The following NTNG1 variants were observed in gnomAD, a reference collection of about 807,000 sequenced individuals.
NTNG1 encodes netrin-G1.
Under a neutral mutation model 54.0 loss-of-function variants are expected in NTNG1, and 16 were observed. The ratio of observed to expected loss-of-function variants is 0.30; its 90% CI spans 0.20 to 0.45. NTNG1 has a LOEUF of 0.45. Among genes scored for constraint, NTNG1 ranks in the 20% least tolerant of loss-of-function variants. The pLI, the probability that NTNG1 is intolerant of heterozygous loss-of-function variation, is 1.00. For synonymous variants in NTNG1, 255 were observed against 263.1 expected (o/e 0.97, Z 0.30); for missense variants, 530 against 678.7 (o/e 0.78, Z 2.43).
chr1:107,347,454 G>A (rs1004348338), intron 3 of NTNG1, among the ~76,000 whole-genome samples: 4 of 152,136 alleles, frequency 2.6e-5, no homozygotes, highest in Non-Finnish European at 5.9e-5. Context: ...GATTGAGGCC[G>A]CAGTGAGCCG....
At chr1:107,460,919 G>T (rs1417838892) in intron 7 of NTNG1, among the ~76,000 whole-genome samples, 1 of 152,134 alleles carries the variant, frequency 6.6e-6, no homozygotes, top group African/African-American at 2.4e-5. Context: ...AGCCCAGAAG[G>T]TCAGAAGAAT....
At position 107,205,736 on chromosome 1, in the gene NTNG1, C is replaced by T. The variant is rs182214993; in HGVS notation, c.246+56897C>T. Among the ~76,000 whole-genome samples the T allele has an allele frequency of 3.9e-5, 6 of 152,190 alleles. No homozygotes were observed. In the East Asian group the frequency reaches 1.2e-3, roughly 29 times the overall value. ...GAAAGTCACCAGTACAACTGGCACCCAGGTAAAGAATCAGAACATTACCAC... is the reference window on the plus strand; with the variant it reads ...GAAAGTCACCAGTACAACTGGCACCTAGGTAAAGAATCAGAACATTACCAC... On this transcript the variant is annotated intron_variant, in intron 2 of 7. Coordinates refer to ENST00000370068, the MANE Select transcript of NTNG1 (RefSeq NM_001113226.3).
intron 3 of NTNG1, among the ~76,000 whole-genome samples, chr1:107,372,115 A>T (rs181367580): frequency 1.5e-3 from 226 of 152,114 alleles, no homozygotes; most frequent in African/African-American, 5.1e-3. Flanking sequence ...TATCTTCTCT[A>T]AAAACTATCT....
intron 3 of NTNG1, among the ~76,000 whole-genome samples, chr1:107,350,992 C>A (rs1055448235): frequency 6.6e-6 from 1 of 152,166 alleles, no homozygotes; most frequent in Non-Finnish European, 1.5e-5. Flanking sequence ...TAAATGTTCT[C>A]CCCACACACA....
At chr1:107,184,437 G>A (rs4626915) in intron 2 of NTNG1, among the ~76,000 whole-genome samples, 3 of 151,998 alleles carry the variant, frequency 2.0e-5, no homozygotes, top group Non-Finnish European at 4.4e-5. Flanking sequence ...GTAAATGGCC[G>A]GTTGTTGCCA....
intron 3 of NTNG1, among the ~76,000 whole-genome samples, chr1:107,361,368 TATATAC>T (rs1487680499): frequency 6.8e-4 from 34 of 49,884 alleles, no homozygotes; most frequent in South Asian, 4.3e-3. Flanking sequence ...AACATATATA[TATATAC>T]ATATATATAT....
intron 7 of NTNG1, among the ~76,000 whole-genome samples, chr1:107,454,049 A>G (rs1676783027): frequency 6.6e-6 from 1 of 152,162 alleles, no homozygotes; most frequent in Non-Finnish European, 1.5e-5. Context: ...GGAGGGTAAT[A>G]GGAACTTGCA....
At chr1:107,207,423 C>T (rs928616496) in intron 2 of NTNG1, among the ~76,000 whole-genome samples, 3 of 152,204 alleles carry the variant, frequency 2.0e-5, no homozygotes, top group Non-Finnish European at 4.4e-5. Flanking sequence ...AATACTGTAG[C>T]TGTGAAGGTG....
chr1:107,208,441 A>AAAGAAAG (rs1553201434), intron 2 of NTNG1, among the ~76,000 whole-genome samples: 5 of 149,874 alleles, frequency 3.3e-5, no homozygotes, highest in African/African-American at 9.9e-5. Flanking sequence ...AAAAAAAAAA[A>AAAGAAAG]AAAGAAAGAA....
chr1:107,343,756 T>G (rs537051862), intron 3 of NTNG1, among the ~76,000 whole-genome samples: 1 of 152,204 alleles, frequency 6.6e-6, no homozygotes, highest in African/African-American at 2.4e-5. Context: ...AAAAAGGAAT[T>G]TTGTACTAAA....
intron 2 of NTNG1, among the ~76,000 whole-genome samples, chr1:107,180,512 T>G (rs1656986185): frequency 6.6e-6 from 1 of 152,214 alleles, no homozygotes; most frequent in Non-Finnish European, 1.5e-5. Flanking sequence ...TTTCAGATTT[T>G]AAAACTGTGA....
At chr1:107,423,113 CCT>C (rs1351737917) in intron 5 of NTNG1, among the ~76,000 whole-genome samples, 10 of 152,034 alleles carry the variant, frequency 6.6e-5, no homozygotes, top group African/African-American at 2.4e-4. Flanking sequence ...GAACCCTTCC[CCT>C]TGTAAAACAC....
At chr1:107,280,361 CTCTCA>C (rs1490653332) in intron 2 of NTNG1, among the ~76,000 whole-genome samples, 1 of 151,572 alleles carries the variant, frequency 6.6e-6, no homozygotes, top group East Asian at 1.9e-4. Context: ...TTAACCTCTT[CTCTCA>C]TAAGTGTGTA....
intron 2 of NTNG1, among the ~76,000 whole-genome samples, chr1:107,260,009 T>C (rs188225449): frequency 1.5e-4 from 23 of 151,938 alleles, no homozygotes; most frequent in Admixed American, 5.2e-4. Flanking sequence ...TAAAAATGGT[T>C]CATTCTCTTC....
At position 107,303,906 on chromosome 1, in the gene NTNG1, T is replaced by C. The variant is rs189869428; in HGVS notation, c.247-20376T>C. ...TTCACCATGTTGGTCAGGATGGTCT[T>C]GATCTCCTGACCTCATAATCCGCCC... On this transcript the variant is annotated intron_variant, in intron 2 of 7. Coordinates refer to ENST00000370068, the MANE Select transcript of NTNG1 (RefSeq NM_001113226.3). Among the ~76,000 whole-genome samples the C allele has an allele frequency of 3.7e-3, 559 of 152,206 alleles. 7 individuals are homozygous for C. Among genetic ancestry groups the C allele is most frequent in the African/African-American group, 0.013 (530 of 41,530 alleles).
chr1:107,263,960 A>G lies in NTNG1; in HGVS notation c.247-60322A>G, dbSNP rs147283298. ...ATCTTTAAAAAAAATGTATTATGCT[A>G]TTTCTCTTATGGTTCTTATCATAGT... is the stretch of plus-strand genomic sequence containing the variant. On this transcript the variant is annotated intron_variant, in intron 2 of 7. Transcript: ENST00000370068. 1.6e-4 allele frequency among the ~76,000 whole-genome samples: 24 copies of G among 152,264 alleles called. No individual in the cohort carries two copies. The East Asian group carries it at 4.4e-3, about 28-fold the overall frequency.
At chr1:107,468,971 C>G (rs1677787903) in intron 7 of NTNG1, among the ~76,000 whole-genome samples, 1 of 151,802 alleles carries the variant, frequency 6.6e-6, no homozygotes, top group Admixed American at 6.6e-5. Flanking sequence ...TGGCGCGCGC[C>G]TATAATCCCA....
At chr1:107,339,800 G>A (rs184670838) in intron 3 of NTNG1, among the ~76,000 whole-genome samples, 111 of 152,108 alleles carry the variant, frequency 7.3e-4, no homozygotes, top group Middle Eastern at 6.8e-3. Flanking sequence ...ACAAATAAAT[G>A]TAAACTCTTA....
rs568492037 is a variant in NTNG1 at position 107,226,748 on chromosome 1, T to C, written c.246+77909T>C. Among the ~76,000 whole-genome samples the C allele has an allele frequency of 3.3e-5, 5 of 152,258 alleles. No individual in the cohort carries two copies. In the East Asian group the frequency reaches 5.8e-4, roughly 18 times the overall value. On this transcript the variant is annotated intron_variant, in intron 2 of 7. Coordinates refer to ENST00000370068, the MANE Select transcript of NTNG1 (RefSeq NM_001113226.3). ...CAGTTATTACACAGAGAGTTGCTCA[T>C]GTACAGAGTCTCACCAGATACCAAA...
Sources: allele counts gnomAD v4.1 joint callset (sites outside exome capture counted in the v4.1 genomes callset), GRCh38; gene constraint gnomAD v4.1.1; transcripts MANE v1.5; gene names NCBI Gene and HGNC (gene_info 2026-07-23, HGNC 2026-07-21).